The following RIF1 variants were observed in gnomAD, a reference collection of about 807,000 sequenced individuals.
RIF1 encodes the protein replication timing regulatory factor 1.
A neutral mutation model predicts 247.1 loss-of-function variants in RIF1; 45 were observed. That is an observed-to-expected ratio of 0.18 (90% CI 0.14 to 0.23). The LOEUF (loss-of-function observed/expected upper bound fraction) is 0.23, where lower values mean the gene tolerates loss of function less well. RIF1 is among the 10% of genes least tolerant of loss of function. The pLI, the probability that RIF1 is intolerant of heterozygous loss-of-function variation, is 1.00. For missense variants in RIF1, 2,967 were observed against 2,862.5 expected (o/e 1.04, Z -0.83); for synonymous variants, 1,087 against 978.8 (o/e 1.11, Z -2.06).
Position 151,462,915 on chromosome 2 carries a change from C to T in RIF1, c.3395C>T (p.Pro1132Leu), listed in dbSNP as rs1460063139. The change falls in exon 30 of 36, where the codon CCT (proline) becomes CTT (leucine). Residue 1132 changes from proline (P) to leucine (L), a missense_variant. Pro to Leu is a moderately conservative substitution (Grantham distance 98, BLOSUM62 -3). Transcript: ENST00000444746. ...CAAATGGACAGTGACATTGTCATTCCTCAAGATGTCACGGAAGACTGTGGT... is the reference window on the plus strand; with the variant it reads ...CAAATGGACAGTGACATTGTCATTCTTCAAGATGTCACGGAAGACTGTGGT... ...EEQMDSDIVI[P>L]QDVTEDCGMA... 9.9e-6 allele frequency: 16 copies of T among 1,610,254 alleles called. No homozygotes were observed. Among genetic ancestry groups the T allele is most frequent in the Non-Finnish European group, 1.4e-5 (16 of 1,178,624 alleles).
downstream of RIF1, among the ~76,000 whole-genome samples, chr2:151,509,672 G>T (rs1406459719): frequency 6.6e-6 from 1 of 152,124 alleles, no homozygotes; most frequent in Non-Finnish European, 1.5e-5. Flanking sequence ...AGTGTCTCCA[G>T]GCTAGAGTCC....
intron 1 of RIF1, 45 bp from the exon 2 acceptor site, chr2:151,410,369 T>G (rs1685927236): frequency 6.6e-7 from 1 of 1,516,672 alleles, no homozygotes; most frequent in Non-Finnish European, 9.1e-7. Flanking sequence ...GCGGGGCTGT[T>G]TCCATCGGTC....
At chr2:151,508,525 A>T (rs565728404), downstream of RIF1, among the ~76,000 whole-genome samples, 1 of 152,310 alleles carries the variant, frequency 6.6e-6, no homozygotes, top group Non-Finnish European at 1.5e-5. Flanking sequence ...GAGGGTTAAG[A>T]GTCAAAGACA....
intron 6 of RIF1, among the ~76,000 whole-genome samples, chr2:151,419,969 T>A (rs1687895121): frequency 6.6e-6 from 1 of 152,226 alleles, no homozygotes; most frequent in South Asian, 2.1e-4. Context: ...ACTGAAATGT[T>A]TCAATCTAAA....
At chr2:151,415,554 A>C in intron 4 of RIF1, among the ~76,000 whole-genome samples, 2 of 75,494 alleles carry the variant, frequency 2.6e-5, no homozygotes, top group African/African-American at 5.2e-5. Flanking sequence ...CCAGACTGGG[A>C]CTCTGTCTCA....
chr2:151,449,529 A>G (rs1337361908), intron 20 of RIF1, among the ~76,000 whole-genome samples: 2 of 151,978 alleles, frequency 1.3e-5, no homozygotes, highest in Non-Finnish European at 2.9e-5. Context: ...CATGCACACT[A>G]CAGCCTCCAC....
chr2:151,505,577 A>T lies in RIF1; in HGVS notation c.*862-633A>T, dbSNP rs771206029. ...TTGCTTCCTTATACTTCACCTGCAG[A>T]TTTAAAAATGGGAAAAGAAAGGTAT... is the stretch of plus-strand genomic sequence containing the variant. On this transcript the variant is annotated intron_variant and NMD_transcript_variant, in intron 12 of 13. Coordinates refer to the RIF1 transcript ENST00000454583. 5 of 1,607,264 alleles carry T rather than the reference A, an allele frequency of 3.1e-6. No individual in the cohort carries two copies. The Admixed American group carries it at 6.7e-5, about 21-fold the overall frequency.
rs1403311095 is a variant in RIF1 at position 151,502,739 on chromosome 2, A to ATTATT, written c.*710-291_*710-287dup. 3.1e-6 allele frequency: 3 copies of ATTATT among 961,324 alleles called. No individual in the cohort carries two copies. In the African/African-American group the frequency reaches 4.9e-5, roughly 16 times the overall value. 59.5% of individuals were successfully genotyped at this position (961,324 alleles called of 1,614,324 possible). On this transcript the variant is annotated intron_variant and NMD_transcript_variant, in intron 11 of 13. Transcript: ENST00000454583. ...AGTAATTTTACATTTGTAAGGTGTT[A>ATTATT]TTATTTTAAATAAAATTAAGGGATT...
intron 12 of RIF1, among the ~76,000 whole-genome samples, chr2:151,503,712 C>A (rs2066543738): frequency 6.6e-6 from 1 of 152,050 alleles, no homozygotes; most frequent in African/African-American, 2.4e-5. Flanking sequence ...ATAAATTTAC[C>A]AATGAGAAAA....
chr2:151,454,800 T>C, intron 21 of RIF1, 95 bp from the exon 22 acceptor site: 1 of 891,070 alleles, frequency 1.1e-6, no homozygotes, highest in Non-Finnish European at 1.7e-6. Flanking sequence ...TTGATGTATC[T>C]AACATTTAAA....
intron 8 of RIF1, among the ~76,000 whole-genome samples, chr2:151,424,855 T>TTTTTTTTC (rs1553476855): frequency 9.3e-6 from 1 of 108,056 alleles, no homozygotes; most frequent in Non-Finnish European, 2.0e-5. Context: ...TTTTTTTTTT[T>TTTTTTTTC]TCCATATTTT....
At position 151,492,029 on chromosome 2, in the gene RIF1, T is replaced by A. The variant is rs1044771483; in HGVS notation, c.*416-3200T>A. 9 of 1,478,580 alleles carry A rather than the reference T, an allele frequency of 6.1e-6. No homozygotes were observed. The South Asian group carries it at 1.1e-4, about 18-fold the overall frequency. 91.6% of individuals were successfully genotyped at this position (1,478,580 alleles called of 1,614,324 possible). On this transcript the variant is annotated intron_variant and NMD_transcript_variant, in intron 9 of 13. Coordinates refer to the RIF1 transcript ENST00000454583. ...CCTTTATGTTTTGACTTGATGTAGG[T>A]AATGCTACTTTTGTTCTTCTACCCC...
intron 9 of RIF1, among the ~76,000 whole-genome samples, chr2:151,431,837 A>G (rs973574339): frequency 2.0e-5 from 3 of 151,042 alleles, no homozygotes; most frequent in Non-Finnish European, 4.4e-5. Flanking sequence ...GGAGACCCCA[A>G]AAAGGAAGTG....
chr2:151,462,976 T>A lies in RIF1; in HGVS notation c.3456T>A (p.Asn1152Lys). 1.2e-6 allele frequency: 2 copies of A among 1,613,998 alleles called. No individual in the cohort carries two copies. The highest frequency in any genetic ancestry group is 1.7e-6 in the Non-Finnish European group (2 of 1,179,894). The change falls in exon 30 of 36, where the codon AAT (asparagine) becomes AAA (lysine). Residue 1152 changes from asparagine to lysine, a missense_variant. Physicochemically the swap from Asn to Lys is moderately conservative, Grantham distance 94 (BLOSUM62 0). Coordinates refer to ENST00000444746, the MANE Select transcript of RIF1 (RefSeq NM_018151.5). ...AEHLEKSSLS[N>K]NECGSLDKTS... is the part of the protein sequence containing the mutation. ...ATCTTGAAAAGTCCTCCCTTTCGAA[T>A]AATGAGTGTGGTTCTCTTGACAAAA...
chr2:151,465,132 A>G lies in RIF1; in HGVS notation c.5612A>G (p.Asn1871Ser), dbSNP rs1160328232. The change falls in exon 30 of 36, where the codon AAT becomes AGT. Residue 1871 changes from asparagine (N) to serine (S), a missense_variant. Asn to Ser is a conservative substitution (Grantham distance 46). Around this residue, in one of 7 missense-constraint regions of RIF1, gnomAD observed 2,028 missense variants for 1,825.6 expected, o/e 1.11. Transcript: ENST00000444746. ...GGCCCGTGTTTAGGAGACTCGAAAA[A>G]TGTTTCACAGGAATCTTTGGAGACA... The part of the protein sequence containing the change: ...TVGPCLGDSK[N>S]VSQESLETKE... 2 of 1,612,236 alleles carry G rather than the reference A, an allele frequency of 1.2e-6. No individual in the cohort carries two copies. The highest frequency in any genetic ancestry group is 1.7e-6 in the Non-Finnish European group (2 of 1,179,812).
chr2:151,470,740 G>C (rs1697660678), intron 34 of RIF1, among the ~76,000 whole-genome samples: 1 of 152,110 alleles, frequency 6.6e-6, no homozygotes, highest in African/African-American at 2.4e-5. Flanking sequence ...GAAGGTCCTT[G>C]ATTTTATATT....
chr2:151,465,005 T>C lies in RIF1; in HGVS notation c.5485T>C (p.Ser1829Pro). ...AAACACTATGCAAGAATCTCTTCCT[T>C]CTGGAATAGTAAACTTTAGAGAGGA... The part of the protein sequence containing the change: ...KENTMQESLP[S>P]GIVNFREEIC... Residue 1829 changes from serine to proline, a missense_variant, in exon 30 of 36, where the codon TCT becomes CCT. Transcript: ENST00000444746. 2 of 1,577,530 alleles carry C rather than the reference T, an allele frequency of 1.3e-6. No individual in the cohort carries two copies. The highest frequency in any genetic ancestry group is 1.4e-5 in the African/African-American group (1 of 72,662).
At chr2:151,507,901 A>G in exon 14 of RIF1, 1 of 753,012 alleles carries the variant, frequency 1.3e-6, no homozygotes. Flanking sequence ...GGAGTTGTGG[A>G]GGGCTGCACA....
At chr2:151,431,179 A>G (rs887786036) in intron 9 of RIF1, among the ~76,000 whole-genome samples, 3 of 152,210 alleles carry the variant, frequency 2.0e-5, no homozygotes, top group Non-Finnish European at 4.4e-5. Flanking sequence ...TCATCAAGGA[A>G]TCAGATGACT....
Sources: allele counts gnomAD v4.1 joint callset (sites outside exome capture counted in the v4.1 genomes callset), GRCh38; gene constraint gnomAD v4.1.1; regional missense constraint gnomAD v4.1.1; transcripts MANE v1.5; gene names NCBI Gene and HGNC (gene_info 2026-07-23, HGNC 2026-07-21).